ADGRF3: variants seen among roughly 807,000 people sequenced by gnomAD.
The protein encoded by ADGRF3 is G protein-coupled receptor 113.
In ADGRF3, 85 loss-of-function variants were observed where a neutral mutation model predicts 93.2. The observed-to-expected ratio is 0.91, with a 90% CI of 0.77 to 1.09. The LOEUF (loss-of-function observed/expected upper bound fraction) is 1.09, where lower values mean the gene tolerates loss of function less well. Among genes scored for constraint, ADGRF3 ranks in the 50% least tolerant of loss-of-function variants. The pLI is 0.00. For synonymous variants in ADGRF3, 534 were observed against 532.5 expected (o/e 1.00, Z -0.04); for missense variants, 1,125 against 1,246.2 (o/e 0.90, Z 1.46).
intron 6 of ADGRF3, among the ~76,000 whole-genome samples, chr2:26,314,197 A>G (rs1674446835): frequency 6.6e-6 from 1 of 152,248 alleles, no homozygotes; most frequent in African/African-American, 2.4e-5. Context: ...GATTGTGTAG[A>G]TGACAGCATT....
intron 1 of ADGRF3, chr2:26,317,991 C>T (rs1315205714): frequency 6.6e-7 from 1 of 1,512,110 alleles, no homozygotes; most frequent in South Asian, 1.2e-5. Context: ...GTCTTTGGTT[C>T]CTGTACATTA....
At chr2:26,342,860 A>T (rs1676468867) in intron 1 of ADGRF3, among the ~76,000 whole-genome samples, 1 of 152,188 alleles carries the variant, frequency 6.6e-6, no homozygotes, top group African/African-American at 2.4e-5. Context: ...TCCAAAGGCA[A>T]ATTTGTTTCC....
chr2:26,337,875 C>T (rs776593573), intron 1 of ADGRF3, among the ~76,000 whole-genome samples: 5 of 151,758 alleles, frequency 3.3e-5, no homozygotes, highest in Non-Finnish European at 7.4e-5. Context: ...ATACAAAAAT[C>T]GGCCAGGCAT....
chr2:26,337,985 T>C (rs1002147014), intron 1 of ADGRF3, among the ~76,000 whole-genome samples: 2 of 152,170 alleles, frequency 1.3e-5, no homozygotes, highest in South Asian at 2.1e-4. Flanking sequence ...ATCGTGCCAC[T>C]GCCCTCCCAG....
rs148778107 is a variant in ADGRF3 at position 26,313,403 on chromosome 2, G to T, written c.1243C>A (p.Leu415Ile). ...PVHSSCTDARLLALFTRTKLL... is the reference protein window; with the variant it reads ...PVHSSCTDARILALFTRTKLL... Reference sequence around the variant, plus strand: ...TTGGTTCTAGTGAACAAGGCCAGGAGCCTCGCATCTGTGCAGCTGCTGTGG... The same window carrying T: ...TTGGTTCTAGTGAACAAGGCCAGGATCCTCGCATCTGTGCAGCTGCTGTGG... The change falls in exon 8 of 14, where the codon CTC (leucine) becomes ATC (isoleucine). Residue 415 changes from leucine (L) to isoleucine (I), a missense_variant. Physicochemically the swap from Leu to Ile is conservative, Grantham distance 5. Transcript: ENST00000651242. 100 of 1,602,678 alleles carry T rather than the reference G, an allele frequency of 6.2e-5. No individual in the cohort carries two copies. The highest frequency in any genetic ancestry group is 8.0e-5 in the Non-Finnish European group (94 of 1,175,056).
chr2:26,331,633 G>A (rs992115674), intron 1 of ADGRF3, among the ~76,000 whole-genome samples: 8 of 152,328 alleles, frequency 5.3e-5, no homozygotes, highest in Admixed American at 1.3e-4. Context: ...GGGAGGCGGA[G>A]GTGGGAGAGT....
rs1673719251 is a variant in ADGRF3 at position 26,308,284 on chromosome 2, G to GT, written c.*801dup. On this transcript the variant is annotated 3_prime_UTR_variant, in exon 14 of 14. Transcript: ENST00000651242. ...GACCGATTCATCAGACTTTTTTCAC[G>GT]TATCTAGTTTAAAAATTTCTCAGAA... is the stretch of plus-strand genomic sequence containing the variant. 1 of 151,876 alleles carries GT rather than the reference G, an allele frequency of 6.6e-6. No homozygotes were observed. Among genetic ancestry groups the GT allele is most frequent in the Non-Finnish European group, 1.5e-5 (1 of 67,978 alleles). 9.4% of individuals were successfully genotyped at this position (151,876 alleles called of 1,614,324 possible).
chr2:26,334,825 G>C (rs1022877195), intron 1 of ADGRF3, among the ~76,000 whole-genome samples: 5 of 152,100 alleles, frequency 3.3e-5, no homozygotes, highest in African/African-American at 1.2e-4. Context: ...TGGTAGATAT[G>C]CCTGTAAAAG....
chr2:26,345,982 G>A (rs1676708856), intron 1 of ADGRF3, 139 bp downstream of exon 1: 3 of 816,184 alleles, frequency 3.7e-6, no homozygotes, highest in East Asian at 5.4e-5. Context: ...AGCAGTGTCG[G>A]GGGACGGGCC....
At position 26,316,900 on chromosome 2, in the gene ADGRF3, C is replaced by A. The variant is rs544118492; in HGVS notation, c.325+12G>T. On this transcript the variant is annotated intron_variant, in intron 3 of 13. Transcript: ENST00000651242. ...TCATTCACTCTCAGCCCCCTTCCCACGCAAGTGGTACCTGTTGTGAGTCTG... is the reference window on the plus strand; with the variant it reads ...TCATTCACTCTCAGCCCCCTTCCCAAGCAAGTGGTACCTGTTGTGAGTCTG... 1.3e-6 allele frequency: 2 copies of A among 1,590,966 alleles called. No homozygotes were observed. The highest frequency in any genetic ancestry group is 2.3e-5 in the South Asian group (2 of 88,280).
chr2:26,329,316 A>G (rs1274927355), intron 1 of ADGRF3, among the ~76,000 whole-genome samples: 1 of 151,998 alleles, frequency 6.6e-6, no homozygotes, highest in Admixed American at 6.5e-5. Flanking sequence ...TATTTTTTGT[A>G]GAGATGGGGT....
chr2:26,317,916 T>G, intron 1 of ADGRF3: 1 of 977,020 alleles, frequency 1.0e-6, no homozygotes, highest in Non-Finnish European at 1.6e-6. Context: ...GCCCAGGCGC[T>G]TGGGGAGTTT....
Position 26,346,115 on chromosome 2 carries a change from T to C in ADGRF3, c.114+6A>G, listed in dbSNP as rs1449603449. On this transcript the variant is annotated splice_donor_region_variant and intron_variant, in intron 1 of 13. Transcript: ENST00000651242. ...GTGCGCGGTGGGCGGAGCGCGGCTCTCCTACCTTCTCGGGCAGCCCAGTCT... is the reference window on the plus strand; with the variant it reads ...GTGCGCGGTGGGCGGAGCGCGGCTCCCCTACCTTCTCGGGCAGCCCAGTCT... The C allele has an allele frequency of 6.3e-7, 1 of 1,578,578 alleles. No homozygotes were observed. The highest frequency in any genetic ancestry group is 1.8e-5 in the Admixed American group (1 of 54,278).
intron 1 of ADGRF3, among the ~76,000 whole-genome samples, chr2:26,328,921 A>C (rs1675606888): frequency 6.6e-6 from 1 of 152,198 alleles, no homozygotes. Context: ...AATAATGACC[A>C]CCCAAAGATG....
intron 1 of ADGRF3, among the ~76,000 whole-genome samples, chr2:26,333,364 G>T (rs1046154069): frequency 1.8e-4 from 1 of 5,506 alleles, no homozygotes; most frequent in African/African-American, 4.6e-4. Context: ...TAAGAGAATT[G>T]ATCACACAAT....
intron 13 of ADGRF3, 43 bp from the exon 14 acceptor site, chr2:26,309,150 C>T (rs1298894166): frequency 6.2e-7 from 1 of 1,614,048 alleles, no homozygotes; most frequent in South Asian, 1.1e-5. Context: ...CTGAGCCCAA[C>T]TTCTGCAGGC....
At chr2:26,324,410 A>T (rs1442755673) in intron 1 of ADGRF3, among the ~76,000 whole-genome samples, 1 of 152,150 alleles carries the variant, frequency 6.6e-6, no homozygotes, top group East Asian at 1.9e-4. Flanking sequence ...AACTTGAGTC[A>T]TGGAGGTTTG....
At chr2:26,336,229 T>TCACGAA (rs1222438835) in intron 1 of ADGRF3, among the ~76,000 whole-genome samples, 1 of 151,934 alleles carries the variant, frequency 6.6e-6, no homozygotes, top group Non-Finnish European at 1.5e-5. Context: ...AGTTAACCAG[T>TCACGAA]CACGAACAAA....
intron 2 of ADGRF3, 142 bp downstream of exon 2, chr2:26,317,354 C>T: frequency 1.3e-6 from 1 of 790,116 alleles, no homozygotes; most frequent in Non-Finnish European, 2.1e-6. Flanking sequence ...ACAGACCTGT[C>T]CGACTGTGAT....
Sources: gnomAD v4.1 joint callset for allele counts (sites outside exome capture counted in the v4.1 genomes callset) on GRCh38, gnomAD v4.1.1 for gene constraint, MANE v1.5 for transcripts, NCBI Gene and HGNC (gene_info 2026-07-23, HGNC 2026-07-21) for gene names.